Variants in MTO1 observed in about 807,000 individuals in gnomAD.
The protein encoded by MTO1 is 5-taurinomethyluridine-[tRNA] synthase subunit MTO1, mitochondrial.
A neutral mutation model predicts 71.6 loss-of-function variants in MTO1; 46 were observed. That is an observed-to-expected ratio of 0.64 (90% confidence interval 0.51 to 0.82). The LOEUF is 0.82. MTO1 is among the 40% of genes least tolerant of loss of function. The probability of loss-of-function intolerance (pLI) is 0.00; values close to 1 mark genes in which losing one functional copy is unlikely to be tolerated. For missense variants in MTO1, 773 were observed against 867.5 expected (o/e 0.89, Z 1.37); for synonymous variants, 297 against 312.1 (o/e 0.95, Z 0.51).
At position 73,462,867 on chromosome 6, in the gene MTO1, G is replaced by A. The variant is rs117541229; in HGVS notation, c.217+796G>A. 9.9e-4 allele frequency among the ~76,000 whole-genome samples: 150 copies of A among 152,144 alleles called. 3 individuals are homozygous for A. The East Asian group carries it at 0.019, about 20-fold the overall frequency. ...GCAGTGACTACTCATAGGCACGATC[G>A]TTGCACATTACAGGCTCCGCTTTCT... is the stretch of plus-strand genomic sequence containing the variant. On this transcript the variant is annotated intron_variant, in intron 1 of 11. Transcript: ENST00000498286.
chr6:73,488,988 C>T (rs1282160419), intron 9 of MTO1, among the ~76,000 whole-genome samples: 1 of 152,176 alleles, frequency 6.6e-6, no homozygotes, highest in Non-Finnish European at 1.5e-5. Flanking sequence ...GTTTCTTGTG[C>T]TTTTGGTGTC....
intron 9 of MTO1, among the ~76,000 whole-genome samples, chr6:73,488,291 A>C (rs1771709629): frequency 6.6e-6 from 1 of 152,036 alleles, no homozygotes; most frequent in Non-Finnish European, 1.5e-5. Context: ...CTCCCACCTC[A>C]GCCTCCCAAG....
intron 7 of MTO1, 156 bp from the exon 8 acceptor site, chr6:73,481,884 C>A: frequency 1.4e-6 from 1 of 706,722 alleles, no homozygotes; most frequent in Admixed American, 2.6e-5. Flanking sequence ...TATTCTATTT[C>A]TGAATATGGA....
At position 73,461,762 on chromosome 6, in the gene MTO1, G is replaced by A; in HGVS notation, c.-93G>A. ...GTCCTACCCCGTGATATTAAAGCAA[G>A]ATGGCCGCGCCCTGCAGATTGTCTC... On this transcript the variant is annotated 5_prime_UTR_variant, in exon 1 of 12. Coordinates refer to ENST00000498286, the MANE Select transcript of MTO1 (RefSeq NM_012123.4). The A allele has an allele frequency of 7.2e-7, 1 of 1,384,986 alleles. No homozygotes were observed. The highest frequency in any genetic ancestry group is 2.4e-5 in the East Asian group (1 of 42,092). The allele number at this position is 1,384,986 out of a possible 1,614,324, so 85.8% of individuals were successfully genotyped here.
chr6:73,488,513 G>C (rs1263286306), intron 9 of MTO1, among the ~76,000 whole-genome samples: 1 of 151,974 alleles, frequency 6.6e-6, no homozygotes, highest in East Asian at 1.9e-4. Context: ...ATGTATACTG[G>C]ATATTAACCC....
intron 10 of MTO1, among the ~76,000 whole-genome samples, chr6:73,493,336 T>G (rs1356630242): frequency 7.2e-6 from 1 of 138,644 alleles, no homozygotes; most frequent in Non-Finnish European, 1.5e-5. Flanking sequence ...CAGTACCACT[T>G]ATTTGAAATG....
intron 3 of MTO1, among the ~76,000 whole-genome samples, chr6:73,467,670 G>A (rs1771040201): frequency 7.0e-6 from 1 of 143,122 alleles, no homozygotes; most frequent in Admixed American, 7.0e-5. Flanking sequence ...ATTTATGTGG[G>A]AAAACAACCA....
chr6:73,486,584 C>T (rs1241167945), intron 9 of MTO1: 2 of 439,520 alleles, frequency 4.6e-6, no homozygotes, highest in Non-Finnish European at 9.1e-6. Flanking sequence ...CTAAAAAATA[C>T]ACAAATTTTC....
rs1180090496 is a variant in MTO1 at position 73,506,139 on chromosome 6, C to T, written c.*5404C>T. ...GACTACAGGCGCGTGCCACCATGCT[C>T]AGCTAATTTTTTCTATTTTTAGTGG... On this transcript the variant is annotated 3_prime_UTR_variant, in exon 12 of 12. Coordinates refer to ENST00000498286, the MANE Select transcript of MTO1 (RefSeq NM_012123.4). 1 of 152,074 alleles carries T rather than the reference C, an allele frequency of 6.6e-6. No homozygotes were observed. The highest frequency in any genetic ancestry group is 1.9e-4 in the East Asian group (1 of 5,170). The allele number at this position is 152,074 out of a possible 1,614,324, so 9.4% of individuals were successfully genotyped here. A position where few individuals can be genotyped will look rare whatever the true frequency, so the allele number is the denominator to read the frequency against.
intron 4 of MTO1, among the ~76,000 whole-genome samples, chr6:73,474,457 T>C (rs1771250371): frequency 6.6e-6 from 1 of 152,126 alleles, no homozygotes; most frequent in African/African-American, 2.4e-5. Flanking sequence ...AAATTTCTTT[T>C]TTTTGTTTTT....
In MTO1 at chr6:73,504,978, G is replaced by GT. The variant is rs1772247187; in HGVS notation, c.*4246dup. 6.6e-6 allele frequency: 1 copy of GT among 152,054 alleles called. No individual in the cohort carries two copies. Among genetic ancestry groups the GT allele is most frequent in the African/African-American group, 2.4e-5 (1 of 41,408 alleles). The allele number at this position is 152,054 out of a possible 1,614,324, so 9.4% of individuals were successfully genotyped here. On this transcript the variant is annotated 3_prime_UTR_variant, in exon 12 of 12. Coordinates refer to ENST00000498286, the MANE Select transcript of MTO1 (RefSeq NM_012123.4). ...GCAAGCAGATCACTTGAGGATAGGA[G>GT]TTTGAGACCAGCCTGACCAACATGT...
chr6:73,464,092 C>T (rs757247273), intron 1 of MTO1: 2 of 152,074 alleles, frequency 1.3e-5, no homozygotes, highest in Non-Finnish European at 2.9e-5. Flanking sequence ...TTGGCAACAA[C>T]ATAAACTAAA....
intron 6 of MTO1, 62 bp downstream of exon 6, chr6:73,480,188 A>G: frequency 6.7e-7 from 1 of 1,493,880 alleles, no homozygotes; most frequent in Non-Finnish European, 9.3e-7. Context: ...GTCAGTGAGG[A>G]GGCCTTAGCT....
At position 73,479,806 on chromosome 6, in the gene MTO1, C is replaced by A. The variant is rs1319859465; in HGVS notation, c.900C>A (p.His300Gln). The A allele has an allele frequency of 6.2e-7, 1 of 1,613,950 alleles. No individual in the cohort carries two copies. Among genetic ancestry groups the A allele is most frequent in the Admixed American group, 1.7e-5 (1 of 60,002 alleles). The change falls in exon 5 of 12, where the codon CAC (histidine) becomes CAA (glutamine). Residue 300 changes from histidine (H) to glutamine (Q), a missense_variant. Transcript: ENST00000498286. ...ATGAGATTGTCCTTAAGAACCTTCA[C>A]CTTAATAGTCATGTTAAAGAAACGA... ...RVDEIVLKNL[H>Q]LNSHVKETTR...
Position 73,461,783 on chromosome 6 carries a change from G to C in MTO1, c.-72G>C. 6.6e-7 allele frequency: 1 copy of C among 1,506,914 alleles called. No individual in the cohort carries two copies. 93.3% of individuals were successfully genotyped at this position (1,506,914 alleles called of 1,614,324 possible). A position where few individuals can be genotyped will look rare whatever the true frequency, so the allele number is the denominator to read the frequency against. On this transcript the variant is annotated 5_prime_UTR_variant, in exon 1 of 12. Transcript: ENST00000498286. ...GCAAGATGGCCGCGCCCTGCAGATT[G>C]TCTCTTGTTGCGTAAGTTTTTTTGA... is the stretch of plus-strand genomic sequence containing the variant.
chr6:73,463,036 T>C (rs1770874233), intron 1 of MTO1, among the ~76,000 whole-genome samples: 1 of 150,400 alleles, frequency 6.6e-6, no homozygotes, highest in African/African-American at 2.4e-5. Context: ...TTTTTTTTTT[T>C]CTTTTGAGAC....
intron 4 of MTO1, among the ~76,000 whole-genome samples, chr6:73,474,903 C>T (rs1771267593): frequency 6.6e-6 from 1 of 151,752 alleles, no homozygotes; most frequent in Admixed American, 6.6e-5. Flanking sequence ...TTACAGGCTC[C>T]TGCCGCCACA....
rs1487473374 is a variant in MTO1 at position 73,508,468 on chromosome 6, T to C, written c.*7733T>C. On this transcript the variant is annotated 3_prime_UTR_variant, in exon 12 of 12. Transcript: ENST00000498286. ...TTTAAAAGGAAACACTTCTAGAATATACTGTATTTTGACACAAGACCAGAC... is the reference window on the plus strand; with the variant it reads ...TTTAAAAGGAAACACTTCTAGAATACACTGTATTTTGACACAAGACCAGAC... 1 of 152,106 alleles carries C rather than the reference T, an allele frequency of 6.6e-6. No individual in the cohort carries two copies. The highest frequency in any genetic ancestry group is 2.4e-5 in the African/African-American group (1 of 41,418). The allele number at this position is 152,106 out of a possible 1,614,324, so 9.4% of individuals were successfully genotyped here. A position where few individuals can be genotyped will look rare whatever the true frequency, so the allele number is the denominator to read the frequency against.
intron 3 of MTO1, 77 bp downstream of exon 3, chr6:73,466,683 T>A: frequency 7.8e-7 from 1 of 1,285,190 alleles, no homozygotes; most frequent in Non-Finnish European, 1.1e-6. Context: ...GAGCAAAGTG[T>A]GGAGATATGT....
Sources: gnomAD v4.1 joint callset for allele counts (sites outside exome capture counted in the v4.1 genomes callset) on GRCh38, gnomAD v4.1.1 for gene constraint, MANE v1.5 for transcripts, NCBI Gene and HGNC (gene_info 2026-07-23, HGNC 2026-07-21) for gene names.